ARHGAP10: variants seen among roughly 807,000 people sequenced by gnomAD.
The protein encoded by ARHGAP10 is rho GTPase-activating protein 10.
A neutral mutation model predicts 108.6 loss-of-function variants in ARHGAP10; 87 were observed. The observed-to-expected ratio is 0.80, with a 90% confidence interval of 0.67 to 0.96. The LOEUF (loss-of-function observed/expected upper bound fraction) is 0.96. Among genes scored for constraint, ARHGAP10 ranks in the 40% least tolerant of loss-of-function variants. ARHGAP10 has a pLI of 0.00. For synonymous variants in ARHGAP10, 347 were observed against 341.1 expected (o/e 1.02, Z -0.19); for missense variants, 939 against 954.5 (o/e 0.98, Z 0.21).
rs889938324 is a variant in ARHGAP10 at position 147,959,102 on chromosome 4, A to G, written c.1450+3728A>G. ...AGCAACTTTAGATGATTTATCTTCA[A>G]AAACTTTTTTTGGAGTACCTTAAAG... On this transcript the variant is annotated intron_variant, in intron 16 of 22. Transcript: ENST00000336498. 3.3e-5 allele frequency among the ~76,000 whole-genome samples: 5 copies of G among 152,226 alleles called. No individual in the cohort carries two copies. The South Asian group carries it at 1.0e-3, about 32-fold the overall frequency.
At chr4:147,866,635 A>T in intron 6 of ARHGAP10, 77 bp from the exon 7 acceptor site, 1 of 1,021,882 alleles carries the variant, frequency 9.8e-7, no homozygotes. Flanking sequence ...GGCGGGGGGA[A>T]CACTTGGTTG....
At chr4:147,885,873 C>T (rs1202292947) in intron 10 of ARHGAP10, among the ~76,000 whole-genome samples, 4 of 152,136 alleles carry the variant, frequency 2.6e-5, no homozygotes, top group African/African-American at 9.7e-5. Context: ...GTGTTTTGAA[C>T]TGCTTCTAGA....
rs182006105 is a variant in ARHGAP10 at position 147,910,311 on chromosome 4, C to T, written c.1162+534C>T. On this transcript the variant is annotated intron_variant, in intron 12 of 22. Coordinates refer to ENST00000336498, the MANE Select transcript of ARHGAP10 (RefSeq NM_024605.4). ...GTGCTGAGATTACAGGCGTGAGTCA[C>T]CTTGCCTGGCCTATGGGCTTTTTTG... Among the ~76,000 whole-genome samples the T allele has an allele frequency of 2.0e-5, 3 of 152,016 alleles. No homozygotes were observed. The East Asian group carries it at 5.8e-4, about 29-fold the overall frequency.
chr4:147,924,336 G>GT (rs1034813244), intron 13 of ARHGAP10, among the ~76,000 whole-genome samples: 21 of 151,648 alleles, frequency 1.4e-4, no homozygotes, highest in African/African-American at 4.8e-4. Flanking sequence ...TCCAGTGACT[G>GT]TTTTTTTTCA....
At chr4:148,070,977 C>T (rs995128002) in intron 22 of ARHGAP10, among the ~76,000 whole-genome samples, 4 of 152,170 alleles carry the variant, frequency 2.6e-5, no homozygotes, top group Non-Finnish European at 4.4e-5. Flanking sequence ...TTGAGTATCA[C>T]GTGAATATTT....
chr4:147,782,943 ATT>A (rs1730602726), intron 1 of ARHGAP10, among the ~76,000 whole-genome samples: 1 of 140,056 alleles, frequency 7.1e-6, no homozygotes, highest in Non-Finnish European at 1.6e-5. Flanking sequence ...AAAATTATAT[ATT>A]ATATAAATTA....
chr4:147,992,105 C>T (rs1740298588), intron 18 of ARHGAP10, among the ~76,000 whole-genome samples: 1 of 152,184 alleles, frequency 6.6e-6, no homozygotes, highest in East Asian at 1.9e-4. Context: ...GATGAAAAGT[C>T]CCTCAAAAGC....
At chr4:148,058,807 C>T (rs191227585) in intron 20 of ARHGAP10, among the ~76,000 whole-genome samples, 125 of 152,370 alleles carry the variant, frequency 8.2e-4, no homozygotes, top group Middle Eastern at 6.8e-3. Flanking sequence ...GGCCCCACTG[C>T]TGCACGTGAA....
At chr4:148,018,267 G>A (rs938047649) in intron 18 of ARHGAP10, among the ~76,000 whole-genome samples, 1 of 152,180 alleles carries the variant, frequency 6.6e-6, no homozygotes, top group Non-Finnish European at 1.5e-5. Context: ...TTTGATGCCA[G>A]GAAAGTTGGG....
chr4:148,068,370 T>C (rs1461609505), intron 22 of ARHGAP10, among the ~76,000 whole-genome samples: 1 of 152,106 alleles, frequency 6.6e-6, no homozygotes, highest in African/African-American at 2.4e-5. Context: ...ACTTTAAAGG[T>C]CTCAGATAGA....
chr4:147,889,876 CA>C (rs1242078478), intron 10 of ARHGAP10, among the ~76,000 whole-genome samples: 1 of 152,140 alleles, frequency 6.6e-6, no homozygotes, highest in African/African-American at 2.4e-5. Flanking sequence ...CAGAAAAAGT[CA>C]AAACAAAATG....
At chr4:147,765,489 G>A (rs1330110820) in intron 1 of ARHGAP10, among the ~76,000 whole-genome samples, 1 of 152,160 alleles carries the variant, frequency 6.6e-6, no homozygotes, top group Non-Finnish European at 1.5e-5. Context: ...ATTTGCTGAA[G>A]AATGCTAGTG....
At chr4:147,898,343 G>T (rs889036562) in intron 10 of ARHGAP10, among the ~76,000 whole-genome samples, 5 of 151,796 alleles carry the variant, frequency 3.3e-5, no homozygotes, top group African/African-American at 1.2e-4. Flanking sequence ...TTGTCTTCAG[G>T]CTTCCGTTTA....
intron 17 of ARHGAP10, among the ~76,000 whole-genome samples, chr4:147,966,238 C>T (rs1271575546): frequency 6.6e-6 from 1 of 152,230 alleles, no homozygotes; most frequent in Non-Finnish European, 1.5e-5. Context: ...TTAGCACATA[C>T]AGTTGGCTCT....
chr4:148,064,620 T>TCC, intron 22 of ARHGAP10, 113 bp downstream of exon 22: 1 of 874,778 alleles, frequency 1.1e-6, no homozygotes, highest in East Asian at 2.5e-5. Flanking sequence ...AGTCTCCCCC[T>TCC]TGATGCTTTG....
chr4:148,070,217 T>G (rs1162559457), intron 22 of ARHGAP10, among the ~76,000 whole-genome samples: 2 of 152,158 alleles, frequency 1.3e-5, no homozygotes, highest in African/African-American at 4.8e-5. Flanking sequence ...GGTGCATAAC[T>G]GGGAGCCCCG....
chr4:147,911,586 T>C (rs1285936151), intron 12 of ARHGAP10, among the ~76,000 whole-genome samples: 1 of 152,116 alleles, frequency 6.6e-6, no homozygotes, highest in Non-Finnish European at 1.5e-5. Flanking sequence ...ATGGTCTTGA[T>C]CTCCTGACTT....
At chr4:147,830,134 C>G (rs922685661) in intron 3 of ARHGAP10, among the ~76,000 whole-genome samples, 4 of 152,248 alleles carry the variant, frequency 2.6e-5, no homozygotes, top group African/African-American at 9.6e-5. Flanking sequence ...GCAGACTCTT[C>G]AGGCTTTTGA....
chr4:148,035,717 C>A (rs917184650), intron 19 of ARHGAP10, among the ~76,000 whole-genome samples: 15 of 152,172 alleles, frequency 9.9e-5, no homozygotes, highest in African/African-American at 3.6e-4. Context: ...TTATAACCTG[C>A]ATCTCAGTGC....
Sources: allele counts gnomAD v4.1 joint callset (sites outside exome capture counted in the v4.1 genomes callset), GRCh38; gene constraint gnomAD v4.1.1; transcripts MANE v1.5; gene names NCBI Gene and HGNC (gene_info 2026-07-23, HGNC 2026-07-21).